The following KCNQ1 variants were observed in gnomAD, a reference collection of about 807,000 sequenced individuals.
KCNQ1 encodes potassium voltage-gated channel subfamily KQT member 1.
In KCNQ1, 49 loss-of-function variants were observed where a neutral mutation model predicts 72.4. The ratio of observed to expected loss-of-function variants is 0.68; its 90% confidence interval spans 0.54 to 0.86. The LOEUF is 0.86. Ranked by LOEUF, KCNQ1 falls within the 40% of genes least tolerant of loss-of-function variation. The probability of loss-of-function intolerance (pLI) is 0.00; values close to 1 mark genes in which losing one functional copy is unlikely to be tolerated. For missense variants in KCNQ1, 790 were observed against 945.1 expected (o/e 0.84, Z 2.15); for synonymous variants, 450 against 412.6 (o/e 1.09, Z -1.10).
intron 2 of KCNQ1, among the ~76,000 whole-genome samples, chr11:2,557,078 G>A (rs573117910): frequency 6.6e-6 from 1 of 152,336 alleles, no homozygotes; most frequent in African/African-American, 2.4e-5. Flanking sequence ...GCAGCATTAA[G>A]TAAGGCAAAG....
At chr11:2,551,357 C>T (rs910948021) in intron 2 of KCNQ1, among the ~76,000 whole-genome samples, 14 of 152,224 alleles carry the variant, frequency 9.2e-5, no homozygotes, top group African/African-American at 2.4e-4. Flanking sequence ...TGGAATCTCG[C>T]GGCGTGTAGC....
In KCNQ1 at chr11:2,827,879, G is replaced by A. The variant is rs1285720115; in HGVS notation, c.1795-19888G>A. Reference sequence around the variant, plus strand: ...GAAGGCAGCGAGAGCTTTGTTTGGGGTGTGTCGAATTCAAGATGCCTCTGA... The same window carrying A: ...GAAGGCAGCGAGAGCTTTGTTTGGGATGTGTCGAATTCAAGATGCCTCTGA... On this transcript the variant is annotated intron_variant, in intron 15 of 15. Coordinates refer to ENST00000155840, the MANE Select transcript of KCNQ1 (RefSeq NM_000218.3). This position sits in a 1 kb window ranked among gnomAD's most constrained non-coding sequence, Gnocchi z 6.7. 1.3e-5 allele frequency among the ~76,000 whole-genome samples: 2 copies of A among 152,212 alleles called. No homozygotes were observed. Among genetic ancestry groups the A allele is most frequent in the African/African-American group, 4.8e-5 (2 of 41,450 alleles).
At chr11:2,452,970 G>C (rs2133570034) in intron 1 of KCNQ1, among the ~76,000 whole-genome samples, 1 of 152,320 alleles carries the variant, frequency 6.6e-6, no homozygotes, top group East Asian at 1.9e-4. Context: ...AAAACCACTT[G>C]GGTACCTAAA....
At position 2,538,366 on chromosome 11, in the gene KCNQ1, G is replaced by C. The variant is rs967300764; in HGVS notation, c.477+10348G>C. 6.6e-6 allele frequency among the ~76,000 whole-genome samples: 1 copy of C among 151,958 alleles called. No homozygotes were observed. Among genetic ancestry groups the C allele is most frequent in the Non-Finnish European group, 1.5e-5 (1 of 67,998 alleles). ...CTGGCCCCACGGATGTTGTGTGGAC[G>C]AGTTGGAGGGCTCACAGGCCCCTCT... On this transcript the variant is annotated intron_variant, in intron 2 of 15. Transcript: ENST00000155840. This position sits in a 1 kb window ranked among gnomAD's most constrained non-coding sequence, Gnocchi z 6.7.
At chr11:2,614,135 T>A (rs1038690008) in intron 10 of KCNQ1, 1 of 398,422 alleles carries the variant, frequency 2.5e-6, no homozygotes, top group African/African-American at 2.1e-5. Context: ...CTACCATGTC[T>A]CTGAGATACA....
Position 2,446,117 on chromosome 11 carries a change from T to C in KCNQ1, c.386+633T>C, listed in dbSNP as rs1414792428. Among the ~76,000 whole-genome samples the C allele has an allele frequency of 6.6e-6, 1 of 152,230 alleles. No individual in the cohort carries two copies. Among genetic ancestry groups the C allele is most frequent in the East Asian group, 1.9e-4 (1 of 5,190 alleles). On this transcript the variant is annotated intron_variant, in intron 1 of 15. Transcript: ENST00000155840. The surrounding 1 kb of genome is among the most constrained non-coding windows in gnomAD (Gnocchi z 8.8). ...TTTGCAGCTCTCACTAAGAGGCAGC[T>C]GTGCTCCCGGAGAAAGCAGCGCTGG...
At chr11:2,555,407 G>A (rs1440144885) in intron 2 of KCNQ1, among the ~76,000 whole-genome samples, 1 of 152,210 alleles carries the variant, frequency 6.6e-6, no homozygotes, top group East Asian at 1.9e-4. Flanking sequence ...CTAAATCCTC[G>A]TTTAACTGGC....
chr11:2,629,020 G>A (rs1849308455), intron 10 of KCNQ1: 1 of 398,176 alleles, frequency 2.5e-6, no homozygotes, highest in Non-Finnish European at 4.4e-6. Context: ...AAATAAGCAT[G>A]TGTAATATCT....
At chr11:2,572,563 CG>C (rs1389508940) in intron 5 of KCNQ1, among the ~76,000 whole-genome samples, 3 of 152,226 alleles carry the variant, frequency 2.0e-5, no homozygotes, top group African/African-American at 7.2e-5. Flanking sequence ...GGTTCTGTCA[CG>C]TGGCAGGAAA....
rs144615901 is a variant in KCNQ1 at position 2,587,593 on chromosome 11, C to T, written c.1152C>T (p.Ala384=). 28 of 1,613,848 alleles carry T rather than the reference C, an allele frequency of 1.7e-5. No individual in the cohort carries two copies. The highest frequency in any genetic ancestry group is 1.7e-4 in the African/African-American group (13 of 75,026). ...AGACCGCATGGAGGTGCTATGCTGC[C>T]GAGAACCCCGACTCCTCCACCTGGA... ...LIQTAWRCYA[A]ENPDSSTWKI... is the part of the protein sequence containing the mutation. Residue 384 remains alanine (A), a synonymous_variant, in exon 9 of 16, where the codon GCC becomes GCT. Transcript: ENST00000155840.
At chr11:2,717,478 G>C (rs1285051602) in intron 11 of KCNQ1, among the ~76,000 whole-genome samples, 4 of 152,146 alleles carry the variant, frequency 2.6e-5, no homozygotes, top group African/African-American at 7.2e-5. Context: ...CTGTTTCCCA[G>C]TTTTCCACCC....
At position 2,839,054 on chromosome 11, in the gene KCNQ1, C is replaced by T. The variant is rs411303; in HGVS notation, c.1795-8713C>T. ...TGGGCAGGTGGGCAGCTGCCTCGGG[C>T]TCTTGGACAGAGCCGCCCCTGCCTG... On this transcript the variant is annotated intron_variant, in intron 15 of 15. Transcript: ENST00000155840. Among the ~76,000 whole-genome samples the T allele has an allele frequency of 4.7e-3, 711 of 152,320 alleles. 5 individuals carry two copies. The highest frequency in any genetic ancestry group is 0.016 in the African/African-American group (683 of 41,578).
intron 11 of KCNQ1, chr11:2,699,675 C>T (rs1026855452): frequency 5.7e-6 from 2 of 353,866 alleles, no homozygotes; most frequent in Admixed American, 4.8e-5. Context: ...GGGAGAACCG[C>T]GCCGAAAAGC....
In KCNQ1 at chr11:2,488,751, T is replaced by A. The variant is rs1183635990; in HGVS notation, c.387-39177T>A. ...TCTTCTCTCTTTTTTACTTAGTCCA[T>A]CTAGCTAAAGGTTTGTCAATTCTTA... On this transcript the variant is annotated intron_variant, in intron 1 of 15. Transcript: ENST00000155840. The surrounding 1 kb of genome is among the most constrained non-coding windows in gnomAD (Gnocchi z 5.1). Among the ~76,000 whole-genome samples the A allele has an allele frequency of 1.3e-5, 2 of 152,210 alleles. No individual in the cohort carries two copies. The highest frequency in any genetic ancestry group is 4.8e-5 in the African/African-American group (2 of 41,462).
At chr11:2,717,043 C>T (rs987755034) in intron 11 of KCNQ1, among the ~76,000 whole-genome samples, 17 of 152,210 alleles carry the variant, frequency 1.1e-4, no homozygotes, top group Admixed American at 8.5e-4. Context: ...AACAGCCCCC[C>T]AGATGTCCTG....
chr11:2,479,340 AC>A lies in KCNQ1; in HGVS notation c.386+33860del, dbSNP rs1846620189. Among the ~76,000 whole-genome samples the A allele has an allele frequency of 6.6e-6, 1 of 151,986 alleles. No homozygotes were observed. The highest frequency in any genetic ancestry group is 1.5e-5 in the Non-Finnish European group (1 of 67,972). On this transcript the variant is annotated intron_variant, in intron 1 of 15. Transcript: ENST00000155840. The surrounding 1 kb of genome is among the most constrained non-coding windows in gnomAD (Gnocchi z 4.6). ...GCCCTAGCAGAGGTTCTCCATGAGG[AC>A]CCCACCCCTGCAGCAAACTTCTGCC...
At chr11:2,686,124 T>G (rs955933750) in intron 11 of KCNQ1, 1 of 398,642 alleles carries the variant, frequency 2.5e-6, no homozygotes, top group African/African-American at 2.1e-5. Flanking sequence ...GCCTTTGCCC[T>G]GTCTCGCCCC....
rs1003518546 is a variant in KCNQ1, at chr11:2,767,725, C to T, written c.1515-1119C>T. 2.0e-5 allele frequency among the ~76,000 whole-genome samples: 3 copies of T among 152,168 alleles called. No individual in the cohort carries two copies. Among genetic ancestry groups the T allele is most frequent in the African/African-American group, 4.8e-5 (2 of 41,420 alleles). On this transcript the variant is annotated intron_variant, in intron 11 of 15. Transcript: ENST00000155840. The surrounding 1 kb of genome is among the most constrained non-coding windows in gnomAD (Gnocchi z 4.6). ...CAAAGCTTCTCTCCACAGTGCCATGCGTCTACTGAGTACTCTGCTTAGCTT... is the reference window on the plus strand; with the variant it reads ...CAAAGCTTCTCTCCACAGTGCCATGTGTCTACTGAGTACTCTGCTTAGCTT...
At chr11:2,546,743 A>T (rs532301475) in intron 2 of KCNQ1, among the ~76,000 whole-genome samples, 1 of 152,204 alleles carries the variant, frequency 6.6e-6, no homozygotes, top group Non-Finnish European at 1.5e-5. Flanking sequence ...ATTTCAATAC[A>T]AGTATACCAT....
Sources: gnomAD v4.1 joint callset for allele counts (sites outside exome capture counted in the v4.1 genomes callset) on GRCh38, gnomAD v4.1.1 for gene constraint, Gnocchi (gnomAD v3.1) non-coding constraint, MANE v1.5 for transcripts, NCBI Gene and HGNC (gene_info 2026-07-23, HGNC 2026-07-21) for gene names.